The following SCN11A variants were observed in gnomAD, a reference collection of about 807,000 sequenced individuals.
SCN11A encodes the protein sodium voltage-gated channel alpha subunit 11.
SCN11A carries 122 observed loss-of-function variants against 162.2 expected under a neutral mutation model. That is an observed-to-expected ratio of 0.75 (90% CI 0.65 to 0.87). SCN11A has a LOEUF of 0.87. Ranked by LOEUF, SCN11A falls within the 40% of genes least tolerant of loss-of-function variation. The probability of loss-of-function intolerance (pLI) is 0.00; values close to 1 mark genes in which losing one functional copy is unlikely to be tolerated. For missense variants in SCN11A, 2,015 were observed against 2,181.6 expected (o/e 0.92, Z 1.52); for synonymous variants, 758 against 751.5 (o/e 1.01, Z -0.14).
At chr3:39,040,508 A>G (rs1250246748) in intron 1 of SCN11A, among the ~76,000 whole-genome samples, 4 of 152,238 alleles carry the variant, frequency 2.6e-5, no homozygotes, top group Non-Finnish European at 5.9e-5. Context: ...AAGGAACACA[A>G]TAATTCTCCA....
intron 10 of SCN11A, among the ~76,000 whole-genome samples, chr3:38,920,519 C>A (rs777116165): frequency 6.6e-6 from 1 of 152,008 alleles, no homozygotes; most frequent in Non-Finnish European, 1.5e-5. Context: ...GGTGAAACCT[C>A]GTCTCTACTA....
rs188203089 is a variant in SCN11A at position 38,883,486 on chromosome 3, C to A, written c.3065-99G>T. On this transcript the variant is annotated intron_variant, in intron 21 of 29. Coordinates refer to ENST00000302328, the MANE Select transcript of SCN11A (RefSeq NM_001349253.2). ...TTCTGTGTTCATGCCCCTTGCCATG[C>A]GACCTGCAGTTGCTCCCATTAAAGA... 2.9e-4 allele frequency: 326 copies of A among 1,112,928 alleles called. No individual in the cohort carries two copies. In the African/African-American group the frequency reaches 4.7e-3, roughly 16 times the overall value. 68.9% of individuals were successfully genotyped at this position (1,112,928 alleles called of 1,614,324 possible). A position where few individuals can be genotyped will look rare whatever the true frequency, so the allele number is the denominator to read the frequency against.
chr3:39,025,185 G>A lies in SCN11A; in HGVS notation c.-280+7195C>T, dbSNP rs75719679. Reference sequence around the variant, plus strand: ...CCTGACTTACTTCAAGAGAGGAGGGGTGGGAGACAGGAGAGCAGGAGGTCA... The same window carrying A: ...CCTGACTTACTTCAAGAGAGGAGGGATGGGAGACAGGAGAGCAGGAGGTCA... On this transcript the variant is annotated intron_variant, in intron 2 of 29. Transcript: ENST00000302328. Among the ~76,000 whole-genome samples the A allele has an allele frequency of 2.0e-5, 3 of 152,112 alleles. No homozygotes were observed. The South Asian group carries it at 6.2e-4, about 32-fold the overall frequency.
chr3:38,927,869 C>A (rs1237813923), intron 7 of SCN11A, among the ~76,000 whole-genome samples: 1 of 152,176 alleles, frequency 6.6e-6, no homozygotes, highest in Non-Finnish European at 1.5e-5. Context: ...ATTATGGGTA[C>A]TACAATTCAT....
At chr3:38,887,528 T>A (rs1359990944) in intron 19 of SCN11A, among the ~76,000 whole-genome samples, 2 of 151,696 alleles carry the variant, frequency 1.3e-5, no homozygotes, top group Non-Finnish European at 2.9e-5. Flanking sequence ...ATGGCATATG[T>A]ATACATATGT....
At chr3:38,847,766 T>C (rs2064700649) in intron 29 of SCN11A, 24 bp from the exon 30 acceptor site, 1 of 1,490,494 alleles carries the variant, frequency 6.7e-7, no homozygotes. Flanking sequence ...GAAAAGTAAA[T>C]AAGTTTCCAG....
intron 11 of SCN11A, among the ~76,000 whole-genome samples, chr3:38,916,433 T>C (rs879556562): frequency 2.6e-5 from 4 of 152,242 alleles, no homozygotes; most frequent in Non-Finnish European, 4.4e-5. Flanking sequence ...AGTCTTGTAA[T>C]TGGCTTCCTC....
In SCN11A at chr3:39,031,186, C is replaced by G. The variant is rs185645722; in HGVS notation, c.-280+1194G>C. On this transcript the variant is annotated intron_variant, in intron 2 of 29. Coordinates refer to ENST00000302328, the MANE Select transcript of SCN11A (RefSeq NM_001349253.2). ...AACAATGAACCATTCAGCACCATGA[C>G]TTCTTACAACTTCAAAAGGATATTG... Among the ~76,000 whole-genome samples, 398 of 152,302 alleles carry G rather than the reference C, an allele frequency of 2.6e-3. 3 individuals carry two copies. The highest frequency in any genetic ancestry group is 9.1e-3 in the African/African-American group (377 of 41,568).
intron 27 of SCN11A, among the ~76,000 whole-genome samples, chr3:38,864,511 C>T (rs887793692): frequency 6.6e-6 from 1 of 152,058 alleles, no homozygotes; most frequent in Non-Finnish European, 1.5e-5. Flanking sequence ...TAAGGTTTCT[C>T]AGTGTGGAAA....
At chr3:39,042,546 C>A (rs750636157) in intron 1 of SCN11A, among the ~76,000 whole-genome samples, 48 of 152,056 alleles carry the variant, frequency 3.2e-4, no homozygotes, top group Non-Finnish European at 5.6e-4. Context: ...GAAGAGACAA[C>A]ACACAGAATG....
chr3:38,981,453 T>C (rs6782939), intron 2 of SCN11A, among the ~76,000 whole-genome samples: 12,533 of 152,010 alleles, frequency 0.082, 731 homozygotes, highest in African/African-American at 0.16. Flanking sequence ...AGCAGCAACA[T>C]TGAGCACCAA....
intron 11 of SCN11A, among the ~76,000 whole-genome samples, chr3:38,910,466 A>T (rs2065871531): frequency 6.6e-6 from 1 of 152,252 alleles, no homozygotes; most frequent in African/African-American, 2.4e-5. Flanking sequence ...ATAAAAGCAC[A>T]TACAATGAAT....
At position 38,847,002 on chromosome 3, in the gene SCN11A, T is replaced by G. The variant is rs1274352481; in HGVS notation, c.5068A>C (p.Thr1690Pro). 24 of 1,613,898 alleles carry G rather than the reference T, an allele frequency of 1.5e-5. No homozygotes were observed. Among genetic ancestry groups the G allele is most frequent in the Non-Finnish European group, 2.0e-5 (24 of 1,180,006 alleles). The change falls in exon 30 of 30, where the codon ACC (threonine) becomes CCC (proline). Residue 1690 changes from threonine (T) to proline (P), a missense_variant. Physicochemically the swap from Thr to Pro is conservative, Grantham distance 38. Coordinates refer to ENST00000302328, the MANE Select transcript of SCN11A (RefSeq NM_001349253.2). ...TCAGAGCCACCGAGTACCCTAGCGG[T>G]GAAGGCGAAAAGAATATCCATGCAG... ...LHCMDILFAF[T>P]ARVLGGSDGL...
chr3:38,984,195 G>C (rs1276781698), intron 2 of SCN11A, among the ~76,000 whole-genome samples: 1 of 152,124 alleles, frequency 6.6e-6, no homozygotes, highest in African/African-American at 2.4e-5. Flanking sequence ...CATTCTCTAG[G>C]AATGTACTCA....
At chr3:39,047,670 C>G (rs2032216698) in intron 1 of SCN11A, among the ~76,000 whole-genome samples, 2 of 150,934 alleles carry the variant, frequency 1.3e-5, no homozygotes, top group Admixed American at 1.3e-4. Context: ...AAAACTCAAA[C>G]AACTCAATAG....
At chr3:39,001,494 T>C (rs2030809279) in intron 2 of SCN11A, among the ~76,000 whole-genome samples, 1 of 152,262 alleles carries the variant, frequency 6.6e-6, no homozygotes, top group African/African-American at 2.4e-5. Context: ...CTATTGGATG[T>C]ATATAACACA....
chr3:38,939,244 T>C (rs940348825), intron 7 of SCN11A, among the ~76,000 whole-genome samples: 2 of 151,920 alleles, frequency 1.3e-5, no homozygotes, highest in African/African-American at 2.4e-5. Context: ...TAGAAAAACA[T>C]AGAATTTAAG....
intron 21 of SCN11A, among the ~76,000 whole-genome samples, chr3:38,884,876 G>T (rs2065368900): frequency 6.6e-6 from 1 of 152,196 alleles, no homozygotes; most frequent in Non-Finnish European, 1.5e-5. Context: ...CTCATAAGTG[G>T]CAAGGCCAGA....
At chr3:38,873,933 C>A (rs533343749) in intron 23 of SCN11A, among the ~76,000 whole-genome samples, 1 of 152,148 alleles carries the variant, frequency 6.6e-6, no homozygotes, top group Admixed American at 6.6e-5. Flanking sequence ...TCATGTTTTA[C>A]GGATCCATTC....
Sources: gnomAD v4.1 joint callset for allele counts (sites outside exome capture counted in the v4.1 genomes callset) on GRCh38, gnomAD v4.1.1 for gene constraint, MANE v1.5 for transcripts, NCBI Gene and HGNC (gene_info 2026-07-23, HGNC 2026-07-21) for gene names.